Variants in SNX24 observed in about 807,000 individuals in gnomAD.
SNX24 encodes sorting nexin-24.
SNX24 carries 22 observed loss-of-function variants against 28.7 expected under a neutral mutation model. That is an observed-to-expected ratio of 0.77 (90% CI 0.55 to 1.10). The LOEUF is 1.10. Ranked by LOEUF, SNX24 falls within the 50% of genes least tolerant of loss-of-function variation. The pLI is 0.00. For synonymous variants in SNX24, 69 were observed against 71.5 expected (o/e 0.96, Z 0.18); for missense variants, 221 against 201.1 (o/e 1.10, Z -0.60).
intron 1 of SNX24, among the ~76,000 whole-genome samples, chr5:122,896,497 T>G (rs896082511): frequency 6.6e-6 from 1 of 152,210 alleles, no homozygotes; most frequent in African/African-American, 2.4e-5. Context: ...GCAGCCACCA[T>G]TCCTGTCATC....
intron 6 of SNX24, among the ~76,000 whole-genome samples, chr5:123,006,764 C>A (rs888720635): frequency 4.6e-5 from 7 of 152,214 alleles, no homozygotes; most frequent in African/African-American, 1.7e-4. Context: ...TGGCTAGCTC[C>A]CTCTGCCTAC....
chr5:122,855,770 C>A (rs564038079), intron 1 of SNX24, among the ~76,000 whole-genome samples: 44 of 152,266 alleles, frequency 2.9e-4, no homozygotes, highest in Middle Eastern at 3.4e-3. Flanking sequence ...TTTCTTTGCC[C>A]TTCCTTAAGA....
At chr5:122,898,498 G>A (rs1009158555) in intron 1 of SNX24, among the ~76,000 whole-genome samples, 1 of 152,178 alleles carries the variant, frequency 6.6e-6, no homozygotes, top group Non-Finnish European at 1.5e-5. Flanking sequence ...TGGGTCAGAG[G>A]GTCTGGGCTC....
At chr5:122,850,438 G>A (rs1486964466) in intron 1 of SNX24, among the ~76,000 whole-genome samples, 3 of 152,160 alleles carry the variant, frequency 2.0e-5, no homozygotes, top group Non-Finnish European at 4.4e-5. Context: ...TGAGAATTTG[G>A]GGGAGACAGT....
At chr5:122,963,257 C>A (rs913702495) in intron 3 of SNX24, among the ~76,000 whole-genome samples, 21 of 152,074 alleles carry the variant, frequency 1.4e-4, no homozygotes, top group African/African-American at 5.1e-4. Flanking sequence ...TTAATTAATT[C>A]TCCTCTAGAG....
chr5:123,002,220 T>C (rs1762271480), intron 6 of SNX24: 1 of 572,838 alleles, frequency 1.7e-6, no homozygotes, highest in Non-Finnish European at 3.1e-6. Flanking sequence ...TACCAGACTA[T>C]TTTGAATTAG....
chr5:122,909,332 T>C (rs1333845168), intron 1 of SNX24, among the ~76,000 whole-genome samples: 1 of 152,234 alleles, frequency 6.6e-6, no homozygotes, highest in Admixed American at 6.5e-5. Flanking sequence ...TACTCTGCTT[T>C]ATAAATGTTA....
intron 2 of SNX24, among the ~76,000 whole-genome samples, chr5:122,945,846 C>T (rs569552292): frequency 6.6e-6 from 1 of 152,052 alleles, no homozygotes; most frequent in South Asian, 2.1e-4. Flanking sequence ...AAACAGAAAA[C>T]CATTATTCTG....
chr5:122,852,343 AG>A (rs1228723878), intron 1 of SNX24, among the ~76,000 whole-genome samples: 2 of 151,080 alleles, frequency 1.3e-5, no homozygotes, highest in Non-Finnish European at 3.0e-5. Flanking sequence ...GTTTCAGAAT[AG>A]CTTCTTTTTT....
intron 2 of SNX24, among the ~76,000 whole-genome samples, chr5:122,939,686 T>A (rs536365454): frequency 6.6e-6 from 1 of 152,364 alleles, no homozygotes; most frequent in South Asian, 2.1e-4. Flanking sequence ...AATGTGAACT[T>A]TGATTATCTA....
chr5:122,859,994 G>T (rs189287992), intron 1 of SNX24, among the ~76,000 whole-genome samples: 2 of 152,312 alleles, frequency 1.3e-5, no homozygotes, highest in Admixed American at 1.3e-4. Context: ...AATAGTGGCT[G>T]CCCTTAGAGA....
chr5:123,025,805 A>G, intron 5 of SNX24: 1 of 1,613,322 alleles, frequency 6.2e-7, no homozygotes, highest in Non-Finnish European at 8.5e-7. Flanking sequence ...TGACTTTTCC[A>G]AACACCACAT....
chr5:122,889,324 A>C (rs564679536), intron 1 of SNX24, among the ~76,000 whole-genome samples: 3 of 151,924 alleles, frequency 2.0e-5, no homozygotes, highest in African/African-American at 7.3e-5. Context: ...ATCTATATCT[A>C]TATACACTCA....
chr5:123,017,816 T>A (rs1355600560), intron 5 of SNX24, among the ~76,000 whole-genome samples: 1 of 152,154 alleles, frequency 6.6e-6, no homozygotes, highest in Admixed American at 6.5e-5. Flanking sequence ...CCTTCCACCA[T>A]GATTGTGAGG....
At chr5:123,026,918 G>C (rs2407525) in intron 5 of SNX24, among the ~76,000 whole-genome samples, 2,454 of 152,282 alleles carry the variant, frequency 0.016, 57 homozygotes, top group African/African-American at 0.042. Context: ...AAGTAGGCTG[G>C]GTGCAGTGGC....
chr5:123,011,609 T>G (rs1361699547), downstream of SNX24, among the ~76,000 whole-genome samples: 1 of 152,212 alleles, frequency 6.6e-6, no homozygotes, highest in Non-Finnish European at 1.5e-5. Context: ...CTGCTTGAAG[T>G]GCTGCATCAA....
rs118162480 is a variant in SNX24 at position 122,852,620 on chromosome 5, G to A, written c.60+6927G>A. Among the ~76,000 whole-genome samples the A allele has an allele frequency of 4.1e-4, 63 of 152,260 alleles. No homozygotes were observed. In the East Asian group the frequency reaches 0.012, roughly 28 times the overall value. ...AGCCTCTGAAAGTGCTGGGATTGTAGGCATGAGCCACCATGCCCAGCCGCA... is the reference window on the plus strand; with the variant it reads ...AGCCTCTGAAAGTGCTGGGATTGTAAGCATGAGCCACCATGCCCAGCCGCA... On this transcript the variant is annotated intron_variant, in intron 1 of 6. Coordinates refer to ENST00000261369, the MANE Select transcript of SNX24 (RefSeq NM_014035.4).
At chr5:122,935,644 G>T (rs1465116105) in intron 1 of SNX24, among the ~76,000 whole-genome samples, 1 of 152,174 alleles carries the variant, frequency 6.6e-6, no homozygotes, top group Non-Finnish European at 1.5e-5. Flanking sequence ...TTCTAAAATA[G>T]TCATACTTAC....
chr5:122,936,576 A>C (rs1759186728), intron 1 of SNX24, among the ~76,000 whole-genome samples, 158 bp from the exon 2 acceptor site: 1 of 152,134 alleles, frequency 6.6e-6, no homozygotes, highest in African/African-American at 2.4e-5. Flanking sequence ...GTGCTCATTA[A>C]TCAGTGCTGT....
Sources: gnomAD v4.1 joint callset for allele counts (sites outside exome capture counted in the v4.1 genomes callset) on GRCh38, gnomAD v4.1.1 for gene constraint, MANE v1.5 for transcripts, NCBI Gene and HGNC (gene_info 2026-07-23, HGNC 2026-07-21) for gene names.